The following SOX5 variants were observed in gnomAD, a reference collection of about 807,000 sequenced individuals.
SOX5 encodes the protein transcription factor SOX-5.
In SOX5, 9 loss-of-function variants were observed where a neutral mutation model predicts 92.0. That is an observed-to-expected ratio of 0.10 (90% CI 0.06 to 0.17). The LOEUF (loss-of-function observed/expected upper bound fraction) is 0.17. SOX5 is among the 10% of genes least tolerant of loss of function. The pLI is 1.00. For synonymous variants in SOX5, 344 were observed against 336.3 expected, an observed-to-expected ratio of 1.02 and a Z score of -0.25; for missense variants, 642 against 944.5, an observed-to-expected ratio of 0.68 and a Z score of 4.20.
At chr12:23,941,024 C>T (rs924046735) in intron 1 of SOX5, among the ~76,000 whole-genome samples, 7 of 151,376 alleles carry the variant, frequency 4.6e-5, no homozygotes, top group South Asian at 2.1e-4. Flanking sequence ...AACAAGAAAA[C>T]GGGAATGAAC....
At chr12:24,383,846 CTG>C (rs1958082288) in intron 1 of SOX5, among the ~76,000 whole-genome samples, 1 of 152,102 alleles carries the variant, frequency 6.6e-6, no homozygotes, top group African/African-American at 2.4e-5. Context: ...TACGGTTTGG[CTG>C]TGTCCCCACC....
chr12:24,119,518 T>C (rs949770612), intron 4 of SOX5, among the ~76,000 whole-genome samples: 1 of 152,158 alleles, frequency 6.6e-6, no homozygotes, highest in Non-Finnish European at 1.5e-5. Flanking sequence ...TGTAAAGCCA[T>C]AATTTATGGA....
intron 4 of SOX5, among the ~76,000 whole-genome samples, chr12:24,191,296 G>A (rs1378227978): frequency 6.6e-6 from 1 of 152,198 alleles, no homozygotes; most frequent in African/African-American, 2.4e-5. Flanking sequence ...TAATTTTAGT[G>A]TTTTGCTCTT....
chr12:23,561,009 T>A (rs1946104937), intron 11 of SOX5, among the ~76,000 whole-genome samples: 1 of 152,178 alleles, frequency 6.6e-6, no homozygotes, highest in South Asian at 2.1e-4. Flanking sequence ...AATTTAAGTT[T>A]TTCACTTAAA....
intron 4 of SOX5, among the ~76,000 whole-genome samples, chr12:23,998,873 C>T (rs1395535067): frequency 6.9e-6 from 1 of 144,914 alleles, no homozygotes; most frequent in Non-Finnish European, 1.5e-5. Context: ...ACAAACTTCA[C>T]AAATTTAATG....
intron 9 of SOX5, among the ~76,000 whole-genome samples, chr12:23,596,935 A>G (rs1351237519): frequency 2.0e-5 from 3 of 152,100 alleles, no homozygotes; most frequent in Non-Finnish European, 2.9e-5. Flanking sequence ...TCCTGTTTTT[A>G]TTTCCCTAAA....
intron 1 of SOX5, among the ~76,000 whole-genome samples, chr12:24,442,342 G>A (rs1036122806): frequency 6.6e-6 from 1 of 152,132 alleles, no homozygotes; most frequent in African/African-American, 2.4e-5. Flanking sequence ...TCAGGCTCTA[G>A]GGATTCGTTA....
chr12:23,613,959 G>A (rs2076259772), intron 8 of SOX5, among the ~76,000 whole-genome samples: 1 of 152,124 alleles, frequency 6.6e-6, no homozygotes, highest in Admixed American at 6.5e-5. Flanking sequence ...TGGTCTCCTT[G>A]CAGCTCCATG....
At chr12:24,171,318 G>A (rs1954127190) in intron 4 of SOX5, among the ~76,000 whole-genome samples, 1 of 147,612 alleles carries the variant, frequency 6.8e-6, no homozygotes. Context: ...CCGCCTCCCA[G>A]GCTCAAGCAA....
At chr12:24,549,253 G>A (rs1198408292) in intron 1 of SOX5, among the ~76,000 whole-genome samples, 4 of 152,058 alleles carry the variant, frequency 2.6e-5, no homozygotes, top group Non-Finnish European at 1.5e-5. Flanking sequence ...AATCATAAAC[G>A]CTGATAATTA....
chr12:24,230,043 C>A (rs1367129603), intron 3 of SOX5, among the ~76,000 whole-genome samples: 1 of 152,068 alleles, frequency 6.6e-6, no homozygotes, highest in Non-Finnish European at 1.5e-5. Flanking sequence ...CTTTCCTGAA[C>A]GTTAGCCCTA....
At chr12:23,792,920 A>G (rs968042696) in intron 3 of SOX5, among the ~76,000 whole-genome samples, 1 of 152,142 alleles carries the variant, frequency 6.6e-6, no homozygotes, top group Non-Finnish European at 1.5e-5. Flanking sequence ...TCTGTCACTA[A>G]GTAGTCTTAA....
chr12:24,362,609 C>A (rs1395116734), intron 2 of SOX5, among the ~76,000 whole-genome samples: 1 of 152,114 alleles, frequency 6.6e-6, no homozygotes, highest in African/African-American at 2.4e-5. Flanking sequence ...GCCCAGTTCT[C>A]CCTTACACAA....
At chr12:24,531,148 A>G (rs1488907125) in intron 1 of SOX5, among the ~76,000 whole-genome samples, 1 of 152,184 alleles carries the variant, frequency 6.6e-6, no homozygotes, top group Non-Finnish European at 1.5e-5. Context: ...AATAAACTCA[A>G]ATGAAGAAAC....
chr12:23,734,829 A>G (rs983520526), intron 5 of SOX5, 77 bp from the exon 6 acceptor site: 10 of 1,195,304 alleles, frequency 8.4e-6, no homozygotes, highest in Non-Finnish European at 9.8e-6. Context: ...TCTGTTTCTC[A>G]AAGTTTGATT....
chr12:23,554,986 T>C (rs61923838), intron 11 of SOX5, among the ~76,000 whole-genome samples: 20,560 of 152,110 alleles, frequency 0.14, 1,629 homozygotes, highest in Non-Finnish European at 0.17. Context: ...GAAAGACCAC[T>C]CTTTGATAGG....
intron 3 of SOX5, among the ~76,000 whole-genome samples, chr12:24,215,234 TAGAGATTTCATAC>T (rs1310570223): frequency 2.0e-5 from 3 of 152,112 alleles, no homozygotes; most frequent in African/African-American, 7.2e-5. Context: ...AACATTTTAT[TAGAGATTTCATAC>T]AGGTTCACTA....
At chr12:24,151,329 C>A (rs1175280130) in intron 4 of SOX5, among the ~76,000 whole-genome samples, 1 of 151,966 alleles carries the variant, frequency 6.6e-6, no homozygotes, top group African/African-American at 2.4e-5. Context: ...GGTGTATGTA[C>A]ATAATGAATG....
At chr12:23,586,082 GCTCT>G (rs983256028) in intron 9 of SOX5, among the ~76,000 whole-genome samples, 2 of 151,848 alleles carry the variant, frequency 1.3e-5, no homozygotes, top group African/African-American at 4.8e-5. Flanking sequence ...GAGGAAGCGC[GCTCT>G]CTCTCTCCCT....
Sources: gnomAD v4.1 joint callset for allele counts (sites outside exome capture counted in the v4.1 genomes callset) on GRCh38, gnomAD v4.1.1 for gene constraint, MANE v1.5 for transcripts, NCBI Gene and HGNC (gene_info 2026-07-23, HGNC 2026-07-21) for gene names.